ERICH1: variants seen among roughly 807,000 people sequenced by gnomAD.
ERICH1 encodes the protein glutamate rich 1.
In ERICH1, 56 loss-of-function variants were observed where a neutral mutation model predicts 39.6. That is an observed-to-expected ratio of 1.41 (90% CI 1.14 to 1.77). ERICH1 has a LOEUF of 1.77. Among genes scored for constraint, ERICH1 ranks in the 40% most tolerant of loss-of-function variants. ERICH1 has a pLI of 0.00. For missense variants in ERICH1, 826 were observed against 575.4 expected (o/e 1.44, Z -4.45); for synonymous variants, 313 against 223.6 (o/e 1.40, Z -3.57).
At chr8:713,827 G>T (rs114873898) in intron 2 of ERICH1, among the ~76,000 whole-genome samples, 4 of 152,148 alleles carry the variant, frequency 2.6e-5, no homozygotes, top group African/African-American at 9.7e-5. Flanking sequence ...AATGCCCAGT[G>T]AGAGACCACC....
intron 2 of ERICH1, among the ~76,000 whole-genome samples, chr8:697,574 A>G (rs1400788531): frequency 6.6e-6 from 1 of 152,106 alleles, no homozygotes; most frequent in East Asian, 1.9e-4. Flanking sequence ...CTCACCTGGC[A>G]CGGAGCTGGA....
At chr8:709,598 T>A (rs931136451) in intron 2 of ERICH1, among the ~76,000 whole-genome samples, 16 of 152,306 alleles carry the variant, frequency 1.1e-4, no homozygotes, top group African/African-American at 3.8e-4. Flanking sequence ...TATTAAAGAG[T>A]ATCTTACAGA....
chr8:633,590 A>G (rs548151821), intron 3 of ERICH1, among the ~76,000 whole-genome samples: 17 of 152,340 alleles, frequency 1.1e-4, no homozygotes, highest in Non-Finnish European at 1.6e-4. Context: ...AAACAATCCT[A>G]AAAAGAACGA....
chr8:628,869 G>A (rs1057312291), intron 3 of ERICH1, among the ~76,000 whole-genome samples: 16 of 152,146 alleles, frequency 1.1e-4, no homozygotes, highest in Admixed American at 2.0e-4. Flanking sequence ...CTCCCCTGCT[G>A]TGTGCCCTCC....
chr8:721,591 G>C (rs1487486874), intron 1 of ERICH1, among the ~76,000 whole-genome samples: 1 of 152,210 alleles, frequency 6.6e-6, no homozygotes, highest in Admixed American at 6.5e-5. Flanking sequence ...AAACCACACT[G>C]CATGGCACTG....
intron 1 of ERICH1, among the ~76,000 whole-genome samples, chr8:726,560 C>A (rs530570982): frequency 6.6e-6 from 1 of 151,032 alleles, no homozygotes; most frequent in African/African-American, 2.4e-5. Context: ...GACACGTGTA[C>A]ACAGGCACAA....
chr8:626,956 C>A, intron 3 of ERICH1: 1 of 368,862 alleles, frequency 2.7e-6, no homozygotes, highest in South Asian at 1.9e-5. Context: ...AACCCCAACC[C>A]GAGCTGTGCC....
intron 3 of ERICH1, among the ~76,000 whole-genome samples, chr8:634,194 A>ACAAAC (rs79875884): frequency 1.7e-4 from 26 of 151,420 alleles, no homozygotes; most frequent in African/African-American, 6.1e-4. Context: ...AAACAAACAA[A>ACAAAC]AAAAACCCTG....
chr8:615,392 G>C, intron 3 of ERICH1: 2 of 566,220 alleles, frequency 3.5e-6, no homozygotes, highest in South Asian at 4.8e-5. Flanking sequence ...ACTAAGATTA[G>C]TCTTCCTAAG....
intron 1 of ERICH1, among the ~76,000 whole-genome samples, chr8:723,764 C>G (rs1462161494): frequency 6.6e-6 from 1 of 152,166 alleles, no homozygotes; most frequent in Non-Finnish European, 1.5e-5. Flanking sequence ...TAAATGCCTG[C>G]TGAAAATATG....
chr8:707,350 G>C (rs1325395576), intron 2 of ERICH1, among the ~76,000 whole-genome samples: 1 of 151,894 alleles, frequency 6.6e-6, no homozygotes, highest in Non-Finnish European at 1.5e-5. Context: ...TGGGACTACA[G>C]GTACCTGCCA....
chr8:665,619 G>A (rs981249039), intron 5 of ERICH1, among the ~76,000 whole-genome samples: 1 of 152,238 alleles, frequency 6.6e-6, no homozygotes, highest in Non-Finnish European at 1.5e-5. Context: ...TTGATGTTCG[G>A]AAATCCTCAG....
chr8:640,273 C>G (rs191203560), intron 3 of ERICH1, among the ~76,000 whole-genome samples: 76 of 152,336 alleles, frequency 5.0e-4, no homozygotes, highest in Admixed American at 1.8e-3. Flanking sequence ...TCTATTTTGG[C>G]TGAACTTTTC....
intron 3 of ERICH1, among the ~76,000 whole-genome samples, chr8:677,264 G>A (rs528184781): frequency 6.6e-6 from 1 of 152,376 alleles, no homozygotes; most frequent in African/African-American, 2.4e-5. Context: ...TTCATTGGAT[G>A]TAGACACCCC....
chr8:706,949 T>A (rs908884974), intron 2 of ERICH1, among the ~76,000 whole-genome samples: 1 of 152,082 alleles, frequency 6.6e-6, no homozygotes, highest in Non-Finnish European at 1.5e-5. Context: ...GCAATACCCA[T>A]CAAAATTTCA....
At chr8:702,315 C>T (rs34140873) in intron 2 of ERICH1, among the ~76,000 whole-genome samples, 5 of 151,954 alleles carry the variant, frequency 3.3e-5, no homozygotes, top group African/African-American at 7.3e-5. Flanking sequence ...CTGTATTAAC[C>T]GGGGCCTGGA....
downstream of ERICH1, among the ~76,000 whole-genome samples, chr8:660,139 G>GGT (rs974654585): frequency 2.1e-5 from 3 of 141,756 alleles, no homozygotes; most frequent in Non-Finnish European, 4.6e-5. Context: ...CCCTGCCCGG[G>GGT]GTCATGGCTG....
chr8:720,498 A>G (rs1181813113), intron 1 of ERICH1, among the ~76,000 whole-genome samples: 1 of 152,162 alleles, frequency 6.6e-6, no homozygotes, highest in Non-Finnish European at 1.5e-5. Context: ...CAAACAATAC[A>G]ATTTTAGTAT....
Position 697,947 on chromosome 8 carries a change from C to A in ERICH1, c.170-5335G>T, listed in dbSNP as rs557173366. Among the ~76,000 whole-genome samples, 95 of 151,992 alleles carry A rather than the reference C, an allele frequency of 6.3e-4. 2 individuals are homozygous for A. The South Asian group carries it at 0.017, about 28-fold the overall frequency. On this transcript the variant is annotated intron_variant, in intron 2 of 5. Transcript: ENST00000262109. Reference sequence around the variant, plus strand: ...GGGAATGAGGCAGCTGCCTGATGGGCTGCAAGGGACACAAATCCCTGCGTC... The same window carrying A: ...GGGAATGAGGCAGCTGCCTGATGGGATGCAAGGGACACAAATCCCTGCGTC...
Sources: gnomAD v4.1 joint callset for allele counts (sites outside exome capture counted in the v4.1 genomes callset) on GRCh38, gnomAD v4.1.1 for gene constraint, MANE v1.5 for transcripts, NCBI Gene and HGNC (gene_info 2026-07-23, HGNC 2026-07-21) for gene names.